MACROD2: variants seen among roughly 807,000 people sequenced by gnomAD.
MACROD2 encodes ADP-ribose glycohydrolase MACROD2.
A neutral mutation model predicts 70.4 loss-of-function variants in MACROD2; 36 were observed. The ratio of observed to expected loss-of-function variants is 0.51; its 90% confidence interval spans 0.39 to 0.68. MACROD2 has a LOEUF of 0.68. MACROD2 is among the 30% of genes least tolerant of loss of function. The pLI, the probability that MACROD2 is intolerant of heterozygous loss-of-function variation, is 0.00. For synonymous variants in MACROD2, 172 were observed against 178.8 expected (o/e 0.96, Z 0.30); for missense variants, 496 against 538.4 (o/e 0.92, Z 0.78).
chr20:14,516,841 A>G (rs1385699253), intron 4 of MACROD2, among the ~76,000 whole-genome samples: 1 of 152,202 alleles, frequency 6.6e-6, no homozygotes, highest in Non-Finnish European at 1.5e-5. Context: ...AAATAAATTT[A>G]CAAGAAAAAA....
chr20:15,777,552 TC>T lies in MACROD2; in HGVS notation c.646-85191del, dbSNP rs1439433309. On this transcript the variant is annotated intron_variant, in intron 8 of 17. Transcript: ENST00000684519. ...TTCCTTCCTTCCTTCCTTCCTTCCT[TC>T]CTTCCTTCCTTCCTTCCTTCCTTCT... Among the ~76,000 whole-genome samples the T allele has an allele frequency of 1.3e-3, 133 of 103,550 alleles. 1 individual carries two copies. Among genetic ancestry groups the T allele is most frequent in the African/African-American group, 3.4e-3 (101 of 30,142 alleles). The allele number at this position is 103,550 out of a possible 152,430, so 67.9% of individuals were successfully genotyped here. A position where few individuals can be genotyped will look rare whatever the true frequency, so the allele number is the denominator to read the frequency against.
chr20:14,667,135 C>T (rs2070744538), intron 4 of MACROD2, among the ~76,000 whole-genome samples: 3 of 152,042 alleles, frequency 2.0e-5, no homozygotes, highest in Non-Finnish European at 4.4e-5. Flanking sequence ...AATGCCTTAT[C>T]GTAATGTAAA....
intron 5 of MACROD2, among the ~76,000 whole-genome samples, chr20:14,825,222 A>G (rs921622639): frequency 6.6e-6 from 1 of 151,988 alleles, no homozygotes; most frequent in Non-Finnish European, 1.5e-5. Flanking sequence ...CTAATTAACC[A>G]AGTACCGCTC....
intron 3 of MACROD2, among the ~76,000 whole-genome samples, chr20:14,319,664 C>T (rs2082641508): frequency 6.6e-6 from 1 of 152,114 alleles, no homozygotes; most frequent in African/African-American, 2.4e-5. Context: ...CAGTGGTGAC[C>T]TCTTCTATGT....
intron 4 of MACROD2, among the ~76,000 whole-genome samples, chr20:14,555,675 T>A (rs1480912478): frequency 6.6e-6 from 1 of 152,062 alleles, no homozygotes; most frequent in East Asian, 1.9e-4. Context: ...CCAGCCAGCA[T>A]TCCATCCCAG....
intron 2 of MACROD2, among the ~76,000 whole-genome samples, chr20:14,043,493 G>A (rs1229039564): frequency 1.3e-5 from 2 of 152,214 alleles, no homozygotes; most frequent in African/African-American, 2.4e-5. Context: ...TCAGAAGCCT[G>A]TCCTATTGCT....
At chr20:14,865,090 C>G (rs932033680) in intron 5 of MACROD2, among the ~76,000 whole-genome samples, 2 of 152,190 alleles carry the variant, frequency 1.3e-5, no homozygotes, top group African/African-American at 4.8e-5. Context: ...TGCTGTATCA[C>G]AGGGGAACAT....
chr20:15,143,945 T>TTA (rs756336266), intron 5 of MACROD2, among the ~76,000 whole-genome samples: 4 of 131,952 alleles, frequency 3.0e-5, no homozygotes, highest in Non-Finnish European at 6.3e-5. Flanking sequence ...GCTGATGAGC[T>TTA]AAAAAAAAAA....
chr20:15,979,973 C>T (rs544022663), intron 13 of MACROD2, among the ~76,000 whole-genome samples: 2 of 152,284 alleles, frequency 1.3e-5, no homozygotes, highest in South Asian at 4.1e-4. Context: ...AAAATCCGAG[C>T]TCCCCGAATG....
chr20:15,879,164 C>T (rs943284437), intron 9 of MACROD2, among the ~76,000 whole-genome samples: 1 of 152,070 alleles, frequency 6.6e-6, no homozygotes, highest in South Asian at 2.1e-4. Context: ...GTATTTCTAT[C>T]ACTTTGGTAG....
At chr20:15,689,120 A>G (rs1023108726) in intron 8 of MACROD2, among the ~76,000 whole-genome samples, 3 of 152,222 alleles carry the variant, frequency 2.0e-5, no homozygotes, top group Admixed American at 6.5e-5. Context: ...CCTGGCCAAC[A>G]TGGCGAAAAC....
At chr20:14,032,997 A>G (rs573028800) in intron 2 of MACROD2, among the ~76,000 whole-genome samples, 3 of 151,916 alleles carry the variant, frequency 2.0e-5, no homozygotes, top group East Asian at 3.9e-4. Flanking sequence ...GTTTTAAAAA[A>G]CTGTCTTTTT....
intron 8 of MACROD2, among the ~76,000 whole-genome samples, chr20:15,832,391 A>C (rs1366472486): frequency 2.0e-5 from 3 of 152,202 alleles, no homozygotes; most frequent in Non-Finnish European, 4.4e-5. Context: ...AAATGTTCTC[A>C]ATGGCAGGAA....
At chr20:14,169,706 C>T (rs1055888207) in intron 3 of MACROD2, among the ~76,000 whole-genome samples, 25 of 152,204 alleles carry the variant, frequency 1.6e-4, no homozygotes, top group African/African-American at 6.0e-4. Context: ...CAATTCCTGC[C>T]TCCCATCCTT....
At chr20:14,348,692 A>G (rs557256356) in intron 3 of MACROD2, among the ~76,000 whole-genome samples, 158 of 152,296 alleles carry the variant, frequency 1.0e-3, no homozygotes, top group African/African-American at 3.6e-3. Context: ...TTACAGATTC[A>G]TTAAAAAATA....
chr20:16,031,890 A>G (rs760328454), intron 15 of MACROD2, among the ~76,000 whole-genome samples: 2 of 152,118 alleles, frequency 1.3e-5, no homozygotes, highest in African/African-American at 2.4e-5. Flanking sequence ...GAAGTAGGGC[A>G]AGAGTGGGAA....
At chr20:15,112,972 G>GTGTGTGTGTGTGTGTGTC (rs1555783893) in intron 5 of MACROD2, among the ~76,000 whole-genome samples, 2 of 151,826 alleles carry the variant, frequency 1.3e-5, no homozygotes, top group Non-Finnish European at 1.5e-5. Context: ...GTGTGTGTGT[G>GTGTGTGTGTGTGTGTGTC]TGTGTGTGTT....
chr20:16,016,297 T>C (rs988122197), intron 15 of MACROD2, among the ~76,000 whole-genome samples: 1 of 152,180 alleles, frequency 6.6e-6, no homozygotes, highest in African/African-American at 2.4e-5. Flanking sequence ...CTTGTCAGTG[T>C]TGGACTGTGG....
At chr20:14,655,021 AG>A (rs1985893588) in intron 4 of MACROD2, among the ~76,000 whole-genome samples, 1 of 152,022 alleles carries the variant, frequency 6.6e-6, no homozygotes, top group Non-Finnish European at 1.5e-5. Context: ...TTTCATACAC[AG>A]GGTTGTTTTT....
Sources: gnomAD v4.1 joint callset for allele counts (sites outside exome capture counted in the v4.1 genomes callset) on GRCh38, gnomAD v4.1.1 for gene constraint, MANE v1.5 for transcripts, NCBI Gene and HGNC (gene_info 2026-07-23, HGNC 2026-07-21) for gene names.